The following CFAP91 variants were observed in gnomAD, a reference collection of about 807,000 sequenced individuals.
The protein encoded by CFAP91 is cilia- and flagella-associated protein 91.
CFAP91 carries 85 observed loss-of-function variants against 95.9 expected under a neutral mutation model. The ratio of observed to expected loss-of-function variants is 0.89; its 90% CI spans 0.74 to 1.06. The LOEUF is 1.06. Among genes scored for constraint, CFAP91 ranks in the 50% least tolerant of loss-of-function variants. The pLI, the probability that CFAP91 is intolerant of heterozygous loss-of-function variation, is 0.00. For synonymous variants in CFAP91, 335 were observed against 327.5 expected (o/e 1.02, Z -0.25); for missense variants, 962 against 943.4 (o/e 1.02, Z -0.26).
chr3:119,707,653 T>A, intron 3 of CFAP91, 92 bp downstream of exon 3: 4 of 1,283,274 alleles, frequency 3.1e-6, no homozygotes, highest in Non-Finnish European at 4.1e-6. Context: ...AATGTTCAGT[T>A]GTGGTGTTAT....
intron 14 of CFAP91, among the ~76,000 whole-genome samples, chr3:119,745,226 T>C (rs1486192861): frequency 1.3e-5 from 2 of 152,206 alleles, no homozygotes; most frequent in African/African-American, 4.8e-5. Flanking sequence ...ATAGTGACTA[T>C]TTTCCATCCT....
chr3:119,738,335 T>TTTTTTTTTTTTTTTTTTTTTTTG (rs2054051369), intron 11 of CFAP91, among the ~76,000 whole-genome samples: 1 of 57,250 alleles, frequency 1.7e-5, no homozygotes, highest in Non-Finnish European at 3.1e-5. Flanking sequence ...ATATTGTCTT[T>TTTTTTTTTTTTTTTTTTTTTTTG]TTTTTTTTTT....
chr3:119,748,539 A>G (rs899062380), intron 16 of CFAP91, among the ~76,000 whole-genome samples: 3 of 152,256 alleles, frequency 2.0e-5, no homozygotes, highest in African/African-American at 4.8e-5. Context: ...GGGTGCAACC[A>G]GGAGAAGACC....
chr3:119,729,769 G>A (rs562043620), intron 7 of CFAP91, among the ~76,000 whole-genome samples: 2 of 152,314 alleles, frequency 1.3e-5, no homozygotes, highest in South Asian at 4.1e-4. Flanking sequence ...AGGAGGAAAG[G>A]AAACAAACAT....
At chr3:119,723,700 G>A (rs936238931) in intron 6 of CFAP91, among the ~76,000 whole-genome samples, 9 of 152,298 alleles carry the variant, frequency 5.9e-5, no homozygotes, top group Non-Finnish European at 1.0e-4. Flanking sequence ...TTACTAGACA[G>A]GAAGTATAGT....
chr3:119,703,647 G>GT (rs1274763714), intron 1 of CFAP91, among the ~76,000 whole-genome samples: 3 of 152,114 alleles, frequency 2.0e-5, no homozygotes, highest in African/African-American at 7.2e-5. Flanking sequence ...TTGTTTTTAG[G>GT]TTTTTTGTTG....
intron 11 of CFAP91, among the ~76,000 whole-genome samples, chr3:119,737,870 A>G (rs2054040722): frequency 6.6e-6 from 1 of 152,216 alleles, no homozygotes; most frequent in South Asian, 2.1e-4. Flanking sequence ...GGTGTCATCA[A>G]GACGGACTTG....
chr3:119,747,843 C>T lies in CFAP91; in HGVS notation c.2084C>T (p.Ala695Val). 4 of 1,613,476 alleles carry T rather than the reference C, an allele frequency of 2.5e-6. No individual in the cohort carries two copies. Among genetic ancestry groups the T allele is most frequent in the Non-Finnish European group, 3.4e-6 (4 of 1,179,730 alleles). ...TATCTTCAGTCAGAGGAGATTGTTG[C>T]TGAGTTGGTTTATAGTTTTCTGATC... ...RTYLQSEEIV[A>V]ELVYSFLIPE... The change falls in exon 16 of 18, where the codon GCT becomes GTT. Residue 695 changes from alanine (A) to valine (V), a missense_variant. Coordinates refer to ENST00000273390, the MANE Select transcript of CFAP91 (RefSeq NM_033364.4).
At chr3:119,732,499 A>T in intron 9 of CFAP91, 23 bp downstream of exon 9, 1 of 1,448,576 alleles carries the variant, frequency 6.9e-7, no homozygotes, top group Non-Finnish European at 9.4e-7. Flanking sequence ...CATAATTAGA[A>T]ATCCAGTATA....
chr3:119,734,308 CA>C (rs2053959484), intron 10 of CFAP91, among the ~76,000 whole-genome samples: 1 of 152,152 alleles, frequency 6.6e-6, no homozygotes, highest in African/African-American at 2.4e-5. Context: ...AACCTATCCT[CA>C]AAACAGGACC....
intron 5 of CFAP91, chr3:119,710,116 T>G: frequency 1.9e-6 from 1 of 515,930 alleles, no homozygotes; most frequent in Non-Finnish European, 3.4e-6. Flanking sequence ...AAGTTGGTTT[T>G]TGTTTATAAC....
At chr3:119,731,499 T>C (rs778543645) in intron 8 of CFAP91, among the ~76,000 whole-genome samples, 11 of 152,212 alleles carry the variant, frequency 7.2e-5, no homozygotes, top group Non-Finnish European at 1.5e-4. Flanking sequence ...TAATGATAGA[T>C]CTGACTAATT....
At chr3:119,708,980 C>G (rs559127697) in intron 4 of CFAP91, among the ~76,000 whole-genome samples, 1 of 152,230 alleles carries the variant, frequency 6.6e-6, no homozygotes, top group East Asian at 1.9e-4. Flanking sequence ...CTGATTGCAA[C>G]TAAGAATATG....
intron 5 of CFAP91, among the ~76,000 whole-genome samples, chr3:119,712,335 T>C (rs2053486680): frequency 6.6e-6 from 1 of 152,236 alleles, no homozygotes; most frequent in Non-Finnish European, 1.5e-5. Context: ...CTGACCCACC[T>C]GGAAAGATAC....
At chr3:119,746,542 T>A (rs1186522411) in intron 14 of CFAP91, among the ~76,000 whole-genome samples, 1 of 152,184 alleles carries the variant, frequency 6.6e-6, no homozygotes, top group Non-Finnish European at 1.5e-5. Context: ...TATGTCCTCA[T>A]GAAAGGAGAA....
intron 17 of CFAP91, among the ~76,000 whole-genome samples, chr3:119,755,984 C>G (rs192566479): frequency 1.3e-5 from 2 of 152,010 alleles, no homozygotes; most frequent in Admixed American, 1.3e-4. Flanking sequence ...GCATGGACCA[C>G]TGATTGAAGA....
chr3:119,744,729 A>G (rs1333809688), intron 14 of CFAP91, among the ~76,000 whole-genome samples: 3 of 152,228 alleles, frequency 2.0e-5, no homozygotes, highest in Non-Finnish European at 2.9e-5. Context: ...CGTTTGGGAC[A>G]TCTAAGCAGA....
chr3:119,707,382 T>C, intron 2 of CFAP91, 22 bp from the exon 3 acceptor site: 1 of 1,508,018 alleles, frequency 6.6e-7, no homozygotes, highest in Non-Finnish European at 9.0e-7. Context: ...TTTTGTCCTT[T>C]GCCTCCCTTC....
At chr3:119,757,134 A>G (rs1251822009) in intron 17 of CFAP91, among the ~76,000 whole-genome samples, 2 of 152,232 alleles carry the variant, frequency 1.3e-5, no homozygotes, top group Non-Finnish European at 1.5e-5. Flanking sequence ...GGCAGAAAGT[A>G]TTAGAGAAAA....
Sources: allele counts gnomAD v4.1 joint callset (sites outside exome capture counted in the v4.1 genomes callset), GRCh38; gene constraint gnomAD v4.1.1; transcripts MANE v1.5; gene names NCBI Gene and HGNC (gene_info 2026-07-23, HGNC 2026-07-21).